The following ANKAR variants were observed in gnomAD, a reference collection of about 807,000 sequenced individuals.
ANKAR encodes the protein ankyrin and armadillo repeat-containing protein.
Under a neutral mutation model 146.2 loss-of-function variants are expected in ANKAR, and 136 were observed. The ratio of observed to expected loss-of-function variants is 0.93; its 90% confidence interval spans 0.81 to 1.07. The LOEUF is 1.07. ANKAR is among the 50% of genes least tolerant of loss of function. The probability of loss-of-function intolerance (pLI) is 0.00; values close to 1 mark genes in which losing one functional copy is unlikely to be tolerated. For synonymous variants in ANKAR, 500 were observed against 575.8 expected (o/e 0.87, Z 1.88); for missense variants, 1,567 against 1,679.9 (o/e 0.93, Z 1.18).
At chr2:189,697,650 AC>A (rs1226313746) in intron 7 of ANKAR, among the ~76,000 whole-genome samples, 1 of 152,152 alleles carries the variant, frequency 6.6e-6, no homozygotes, top group Non-Finnish European at 1.5e-5. Flanking sequence ...AATAGGTAAC[AC>A]TATTTAAAGA....
chr2:189,720,635 T>C lies in ANKAR; in HGVS notation c.2483T>C (p.Leu828Pro). ...VIAKYNGIPS[L>P]INLLNLNIEN... is the part of the protein sequence containing the mutation. ...TATTTTTAGAATGGAATCCCAAGCC[T>C]GATAAATCTATTGAACTTAAACATA... Residue 828 changes from leucine (L) to proline (P), a missense_variant, in exon 12 of 23, where the codon CTG (leucine) becomes CCG (proline). By Grantham distance (98) the Leu-to-Pro change is moderately conservative (BLOSUM62 -3). Coordinates refer to ENST00000684021, the MANE Select transcript of ANKAR (RefSeq NM_001378068.1). The C allele has an allele frequency of 7.4e-7, 1 of 1,360,040 alleles. No individual in the cohort carries two copies. The highest frequency in any genetic ancestry group is 2.2e-5 in the South Asian group (1 of 44,842). The allele number at this position is 1,360,040 out of a possible 1,614,324, so 84.2% of individuals were successfully genotyped here.
intron 3 of ANKAR, 119 bp downstream of exon 3, chr2:189,690,083 AAAAC>A (rs2036165121): frequency 3.4e-6 from 2 of 591,720 alleles, no homozygotes; most frequent in Non-Finnish European, 5.1e-6. Flanking sequence ...CCTGTTAGAG[AAAAC>A]AAACAATTTA....
intron 6 of ANKAR, 40 bp from the exon 7 acceptor site, chr2:189,696,110 G>A (rs1216650084): frequency 6.3e-7 from 1 of 1,589,702 alleles, no homozygotes; most frequent in Non-Finnish European, 8.6e-7. Flanking sequence ...CAAACTTTAG[G>A]TGCATTTTGA....
chr2:189,733,068 G>A (rs760079516), intron 16 of ANKAR, 39 bp from the exon 17 acceptor site: 7 of 1,576,246 alleles, frequency 4.4e-6, no homozygotes, highest in Non-Finnish European at 6.0e-6. Flanking sequence ...ATTTCATAAA[G>A]CATAATTGAA....
At chr2:189,721,315 T>G (rs915651638) in intron 12 of ANKAR, among the ~76,000 whole-genome samples, 2 of 152,062 alleles carry the variant, frequency 1.3e-5, no homozygotes, top group Non-Finnish European at 2.9e-5. Flanking sequence ...CTGCTGGGCT[T>G]ATAAAAATAA....
intron 2 of ANKAR, among the ~76,000 whole-genome samples, chr2:189,689,142 T>C (rs1378660468): frequency 3.9e-5 from 6 of 152,110 alleles, no homozygotes; most frequent in African/African-American, 1.4e-4. Context: ...GGCCCTAGGT[T>C]TTCTTTATAG....
At chr2:189,690,072 A>T (rs906197813) in intron 3 of ANKAR, 108 bp downstream of exon 3, 22 of 692,532 alleles carry the variant, frequency 3.2e-5, no homozygotes, top group African/African-American at 2.8e-4. Context: ...CCTAGCTATA[A>T]CCTGTTAGAG....
chr2:189,760,591 GACCATCCTGGCCAAC>G (rs1261488499), intron 18 of ANKAR, among the ~76,000 whole-genome samples: 1 of 152,188 alleles, frequency 6.6e-6, no homozygotes, highest in Non-Finnish European at 1.5e-5. Context: ...AGGAGATTGA[GACCATCCTGGCCAAC>G]ATGGTGAAAC....
chr2:189,759,077 T>A (rs2046552773), intron 18 of ANKAR, among the ~76,000 whole-genome samples: 1 of 152,174 alleles, frequency 6.6e-6, no homozygotes, highest in Admixed American at 6.5e-5. Context: ...ACATCATGTC[T>A]CCATAATCAA....
downstream of ANKAR, among the ~76,000 whole-genome samples, chr2:189,750,250 G>A (rs2044946972): frequency 6.6e-6 from 1 of 152,192 alleles, no homozygotes; most frequent in Non-Finnish European, 1.5e-5. Flanking sequence ...AAAGTCCTAG[G>A]CCTGTATGAT....
intron 9 of ANKAR, among the ~76,000 whole-genome samples, chr2:189,708,376 A>G (rs994280377): frequency 2.6e-5 from 4 of 152,206 alleles, no homozygotes; most frequent in Admixed American, 2.0e-4. Flanking sequence ...AGACTTTATT[A>G]TAGATATGTA....
At chr2:189,728,445 TTTA>T in intron 14 of ANKAR, 25 bp downstream of exon 14, 1 of 997,698 alleles carries the variant, frequency 1.0e-6, no homozygotes, top group Non-Finnish European at 1.3e-6. Context: ...TTATTTTATT[TTTA>T]TTTTTTAGAG....
At position 189,695,125 on chromosome 2, in the gene ANKAR, G is replaced by C. The variant is rs1424833674; in HGVS notation, c.1452G>C (p.Lys484Asn). The C allele has an allele frequency of 1.2e-6, 2 of 1,606,512 alleles. No homozygotes were observed. Among genetic ancestry groups the C allele is most frequent in the Non-Finnish European group, 1.7e-6 (2 of 1,177,896 alleles). Residue 484 changes from lysine (K) to asparagine (N), a missense_variant, in exon 6 of 23, where the codon AAG (lysine) becomes AAC (asparagine). Physicochemically the swap from Lys to Asn is moderately conservative, Grantham distance 94. Coordinates refer to ENST00000684021, the MANE Select transcript of ANKAR (RefSeq NM_001378068.1). Reference protein sequence around the residue: ...LTDAQLHEQFKKKLGFKRAMK... With the variant: ...LTDAQLHEQFNKKLGFKRAMK... The stretch of plus-strand genomic sequence containing the variant: ...ATGCTCAATTACATGAACAATTTAA[G>C]AAAAAGCTTGGTTTCAAAAGAGCTA...
At chr2:189,751,520 C>T (rs1303691166), downstream of ANKAR, among the ~76,000 whole-genome samples, 1 of 145,326 alleles carries the variant, frequency 6.9e-6, no homozygotes, top group Non-Finnish European at 1.5e-5. Flanking sequence ...TCTCGGCTTA[C>T]TGTAACCTCC....
In ANKAR at chr2:189,704,272, GT is replaced by G. The variant is rs781543504; in HGVS notation, c.1709-749del. 9.4e-4 allele frequency among the ~76,000 whole-genome samples: 142 copies of G among 151,266 alleles called. 1 individual carries two copies. Among genetic ancestry groups the G allele is most frequent in the Admixed American group, 3.3e-3 (50 of 15,138 alleles). ...TTCTCCTGCCTCAGCCTTCCAAATA[GT>G]TAGGACTACAGGCACGCACCACCAT... On this transcript the variant is annotated intron_variant, in intron 7 of 22. Transcript: ENST00000684021.
intron 8 of ANKAR, among the ~76,000 whole-genome samples, chr2:189,705,695 CA>C (rs773557829): frequency 2.6e-5 from 4 of 152,100 alleles, no homozygotes; most frequent in African/African-American, 2.4e-5. Context: ...CTTTGGATTA[CA>C]GGAGAAATAT....
At chr2:189,676,306 C>A in intron 1 of ANKAR, 150 bp from the exon 2 acceptor site, 1 of 587,730 alleles carries the variant, frequency 1.7e-6, no homozygotes, top group Non-Finnish European at 2.8e-6. Flanking sequence ...TTTTCATATA[C>A]TGCAGTTATT....
chr2:189,727,781 A>T, intron 12 of ANKAR, 75 bp from the exon 13 acceptor site: 1 of 1,486,170 alleles, frequency 6.7e-7, no homozygotes, highest in Non-Finnish European at 9.1e-7. Flanking sequence ...AATATGGGAA[A>T]CTAATGATAT....
In ANKAR at chr2:189,746,479, C is replaced by CA. The variant is rs1389551028; in HGVS notation, c.4163dup (p.Thr1389AspfsTer6). The CA allele has an allele frequency of 1.2e-6, 2 of 1,613,544 alleles. No homozygotes were observed. The highest frequency in any genetic ancestry group is 1.3e-5 in the African/African-American group (1 of 74,860). On this transcript the variant is annotated frameshift_variant, in exon 23 of 23. Transcript: ENST00000684021. LOFTEE classifies it high-confidence loss of function. ...AACTTCATGGGACTCTTCAAAGCAA[C>CA]AAAAAAGACCAAGGATTCCCATAAT...
Sources: allele counts gnomAD v4.1 joint callset (sites outside exome capture counted in the v4.1 genomes callset), GRCh38; gene constraint gnomAD v4.1.1; transcripts MANE v1.5; gene names NCBI Gene and HGNC (gene_info 2026-07-23, HGNC 2026-07-21).